Variants in ITGAM observed in about 807,000 individuals in gnomAD.
ITGAM encodes integrin subunit alpha M, also known as integrin alpha-M.
A neutral mutation model predicts 137.5 loss-of-function variants in ITGAM; 79 were observed. That is an observed-to-expected ratio of 0.57 (90% confidence interval 0.48 to 0.69). The LOEUF is 0.69. Among genes scored for constraint, ITGAM ranks in the 30% least tolerant of loss-of-function variants. ITGAM has a pLI of 0.00. For synonymous variants in ITGAM, 583 were observed against 592.3 expected (o/e 0.98, Z 0.23); for missense variants, 1,343 against 1,483.5 (o/e 0.91, Z 1.56).
At chr16:31,306,368 G>A (rs1373342815) in intron 14 of ITGAM, among the ~76,000 whole-genome samples, 1 of 151,996 alleles carries the variant, frequency 6.6e-6, no homozygotes, top group African/African-American at 2.4e-5. Context: ...ACAACTAAAA[G>A]CTACAAAAAT....
intron 8 of ITGAM, among the ~76,000 whole-genome samples, chr16:31,275,010 T>C (rs1209609383): frequency 1.3e-5 from 2 of 152,064 alleles, no homozygotes; most frequent in Non-Finnish European, 2.9e-5. Flanking sequence ...ATGGAGTCAG[T>C]TATGTCAAGG....
chr16:31,328,314 A>ATGTG (rs377321047), intron 23 of ITGAM, 84 bp downstream of exon 23: 2 of 1,018,398 alleles, frequency 2.0e-6, no homozygotes, highest in Non-Finnish European at 3.1e-6. Context: ...GAGTCTGTGC[A>ATGTG]TGTGTGTGTG....
At chr16:31,313,482 G>C (rs1284745666) in intron 14 of ITGAM, among the ~76,000 whole-genome samples, 1 of 151,784 alleles carries the variant, frequency 6.6e-6, no homozygotes, top group African/African-American at 2.4e-5. Context: ...TGTGGTGTTT[G>C]CTTTCCTGTT....
intron 5 of ITGAM, among the ~76,000 whole-genome samples, chr16:31,266,537 A>T (rs1171556390): frequency 6.6e-6 from 1 of 151,086 alleles, no homozygotes; most frequent in Non-Finnish European, 1.5e-5. Flanking sequence ...CCTGGGCAAC[A>T]TAGGGAGATC....
intron 14 of ITGAM, among the ~76,000 whole-genome samples, chr16:31,314,821 G>GTTTT (rs369241453): frequency 7.6e-6 from 1 of 130,874 alleles, no homozygotes; most frequent in Non-Finnish European, 1.6e-5. Flanking sequence ...AGGAGGCAGG[G>GTTTT]TTTTTTTTTT....
At chr16:31,268,042 T>C (rs1438484297) in intron 5 of ITGAM, among the ~76,000 whole-genome samples, 1 of 152,148 alleles carries the variant, frequency 6.6e-6, no homozygotes, top group Non-Finnish European at 1.5e-5. Context: ...TGAAAAGCAA[T>C]CAACCACCAC....
At chr16:31,331,458 G>A (rs2080581878) in intron 29 of ITGAM, 178 bp from the exon 30 acceptor site, 2 of 647,496 alleles carry the variant, frequency 3.1e-6, no homozygotes, top group Non-Finnish European at 5.4e-6. Context: ...CTGAGAACGA[G>A]TCGCCCTCCT....
rs2079873979 is a variant in ITGAM at position 31,273,452 on chromosome 16, T to C, written c.792T>C (p.Asp264=). 1.2e-6 allele frequency: 2 copies of C among 1,613,720 alleles called. No individual in the cohort carries two copies. The highest frequency in any genetic ancestry group is 2.7e-5 in the African/African-American group (2 of 74,862). The change falls in exon 8 of 30, where the codon GAT becomes GAC. Residue 264 remains aspartate (D), a synonymous_variant. Coordinates refer to ENST00000544665, the MANE Select transcript of ITGAM (RefSeq NM_000632.4). ...TCACGGATGGAGAAAAGTTTGGCGA[T>C]CCCTTGGGATATGAGGATGTCATCC... ...VVITDGEKFG[D]PLGYEDVIPE...
chr16:31,311,650 G>C (rs1254961313), intron 14 of ITGAM, among the ~76,000 whole-genome samples: 1 of 152,206 alleles, frequency 6.6e-6, no homozygotes, highest in Non-Finnish European at 1.5e-5. Context: ...TGTTGGAGAG[G>C]ATGTGGAGAA....
chr16:31,331,204 C>A lies in ITGAM; in HGVS notation c.3316C>A (p.Leu1106Met). ...GGAGCCGTTCGAGGTCCCCAACCCC[C>A]TGCCGCTCATCGTGGGCAGCTCTGT... is the stretch of plus-strand genomic sequence containing the variant. Reference protein sequence around the residue: ...KVEPFEVPNPLPLIVGSSVGG... With the variant: ...KVEPFEVPNPMPLIVGSSVGG... Residue 1106 changes from leucine to methionine, a missense_variant, in exon 29 of 30, where the codon CTG (leucine) becomes ATG (methionine). Physicochemically the swap from Leu to Met is conservative, Grantham distance 15. Transcript: ENST00000544665. The A allele has an allele frequency of 6.2e-7, 1 of 1,613,498 alleles. No individual in the cohort carries two copies. Among genetic ancestry groups the A allele is most frequent in the Non-Finnish European group, 8.5e-7 (1 of 1,179,658 alleles).
chr16:31,261,204 T>TC (rs1353029127), intron 1 of ITGAM, among the ~76,000 whole-genome samples: 1 of 135,220 alleles, frequency 7.4e-6, no homozygotes, highest in East Asian at 1.9e-4. Flanking sequence ...CTATCTTTTT[T>TC]TTTTTTTTTT....
intron 22 of ITGAM, 130 bp downstream of exon 22, chr16:31,327,065 C>A: frequency 1.3e-6 from 1 of 771,320 alleles, no homozygotes; most frequent in Non-Finnish European, 2.3e-6. Context: ...CAAACACTCA[C>A]TGACCACCCA....
chr16:31,328,363 T>A, intron 23 of ITGAM, 133 bp downstream of exon 23: 1 of 725,730 alleles, frequency 1.4e-6, no homozygotes, highest in Non-Finnish European at 2.4e-6. Context: ...TATGTGTGCA[T>A]GGGTGTGTAT....
At chr16:31,312,585 C>A (rs1318906974) in intron 14 of ITGAM, among the ~76,000 whole-genome samples, 1 of 152,058 alleles carries the variant, frequency 6.6e-6, no homozygotes, top group Non-Finnish European at 1.5e-5. Flanking sequence ...TGCCACCATA[C>A]CTGGCTAATA....
At chr16:31,279,622 T>A (rs1394186781) in intron 12 of ITGAM, among the ~76,000 whole-genome samples, 2 of 152,262 alleles carry the variant, frequency 1.3e-5, no homozygotes, top group African/African-American at 2.4e-5. Context: ...AAGTTCTTTG[T>A]AGATTCTGGA....
At chr16:31,262,673 G>T (rs2079718936) in intron 2 of ITGAM, among the ~76,000 whole-genome samples, 1 of 152,112 alleles carries the variant, frequency 6.6e-6, no homozygotes, top group South Asian at 2.1e-4. Flanking sequence ...CCAACTTGCT[G>T]GGATGATAGG....
At chr16:31,270,053 G>T (rs889541679) in intron 5 of ITGAM, among the ~76,000 whole-genome samples, 1 of 151,612 alleles carries the variant, frequency 6.6e-6, no homozygotes, top group Non-Finnish European at 1.5e-5. Flanking sequence ...CACTTTATAT[G>T]TGTGTGCCCT....
chr16:31,291,723 A>G (rs1024058868), intron 12 of ITGAM, among the ~76,000 whole-genome samples: 1 of 152,062 alleles, frequency 6.6e-6, no homozygotes, highest in Non-Finnish European at 1.5e-5. Context: ...ATTCATGTGT[A>G]GGAGCTAAAA....
At position 31,297,662 on chromosome 16, in the gene ITGAM, G is replaced by A; in HGVS notation, c.1497+8G>A. On this transcript the variant is annotated splice_region_variant and intron_variant, in intron 13 of 29. Transcript: ENST00000544665. ...TGCCCCTTGCCCAGGGGGGTGAGTG[G>A]CAATGGGACCTGGGCTGGGTGGGGC... The A allele has an allele frequency of 6.2e-7, 1 of 1,611,990 alleles. No individual in the cohort carries two copies. Among genetic ancestry groups the A allele is most frequent in the Non-Finnish European group, 8.5e-7 (1 of 1,179,322 alleles).
Sources: allele counts gnomAD v4.1 joint callset (sites outside exome capture counted in the v4.1 genomes callset), GRCh38; gene constraint gnomAD v4.1.1; transcripts MANE v1.5; gene names NCBI Gene and HGNC (gene_info 2026-07-23, HGNC 2026-07-21).